The following ADSS2 variants were observed in gnomAD, a reference collection of about 807,000 sequenced individuals.
The protein encoded by ADSS2 is adenylosuccinate synthetase isozyme 2.
Under a neutral mutation model 60.0 loss-of-function variants are expected in ADSS2, and 30 were observed. The ratio of observed to expected loss-of-function variants is 0.50; its 90% CI spans 0.37 to 0.68. ADSS2 has a LOEUF of 0.68. Among genes scored for constraint, ADSS2 ranks in the 30% least tolerant of loss-of-function variants. ADSS2 has a pLI of 0.00. For synonymous variants in ADSS2, 187 were observed against 193.1 expected, an observed-to-expected ratio of 0.97 and a Z score of 0.26; for missense variants, 373 against 554.8, an observed-to-expected ratio of 0.67 and a Z score of 3.29.
chr1:244,413,877 G>C (rs576997112), intron 11 of ADSS2, among the ~76,000 whole-genome samples: 99 of 152,256 alleles, frequency 6.5e-4, no homozygotes, highest in African/African-American at 2.3e-3. Context: ...ATCCAGCAGA[G>C]CCACCAGAAA....
At chr1:244,449,938 T>C (rs1267292326) in intron 1 of ADSS2, among the ~76,000 whole-genome samples, 1 of 152,228 alleles carries the variant, frequency 6.6e-6, no homozygotes, top group Non-Finnish European at 1.5e-5. Context: ...ACAAACTACT[T>C]CTAATATTTC....
chr1:244,419,053 C>A, intron 8 of ADSS2, 139 bp from the exon 9 acceptor site: 2 of 776,162 alleles, frequency 2.6e-6, no homozygotes, highest in Non-Finnish European at 3.9e-6. Flanking sequence ...CTCAAAGACT[C>A]AGTGTTTTAC....
At chr1:244,430,138 TA>T (rs750794312) in intron 4 of ADSS2, among the ~76,000 whole-genome samples, 5 of 152,094 alleles carry the variant, frequency 3.3e-5, no homozygotes, top group Non-Finnish European at 7.4e-5. Context: ...TAACTATAAA[TA>T]AAATAATAAT....
chr1:244,435,177 A>AAT (rs1665058364), intron 3 of ADSS2, among the ~76,000 whole-genome samples: 1 of 108,446 alleles, frequency 9.2e-6, no homozygotes, highest in Admixed American at 8.6e-5. Flanking sequence ...CCAAAAAAAA[A>AAT]AAAAAAAAAA....
At chr1:244,443,870 C>T (rs1383606357) in intron 1 of ADSS2, among the ~76,000 whole-genome samples, 2 of 152,118 alleles carry the variant, frequency 1.3e-5, no homozygotes, top group Admixed American at 6.5e-5. Context: ...GTGCTGACAC[C>T]GCCTTCTCAT....
At chr1:244,423,833 C>A in intron 6 of ADSS2, 120 bp downstream of exon 6, 1 of 664,730 alleles carries the variant, frequency 1.5e-6, no homozygotes, top group Non-Finnish European at 2.5e-6. Context: ...TATTTCAAAC[C>A]TAAAAAAGCC....
intron 10 of ADSS2, among the ~76,000 whole-genome samples, chr1:244,417,028 T>C (rs879643424): frequency 2.6e-5 from 4 of 152,228 alleles, no homozygotes; most frequent in Non-Finnish European, 5.9e-5. Context: ...AATACATTTA[T>C]TTACCTATTC....
chr1:244,432,974 C>A (rs112968874), intron 3 of ADSS2, among the ~76,000 whole-genome samples: 4,662 of 152,158 alleles, frequency 0.031, 103 homozygotes, highest in Non-Finnish European at 0.044. Context: ...TGGTGGCTAA[C>A]ACCTGTAATC....
At chr1:244,441,121 C>T (rs961170833) in intron 1 of ADSS2, among the ~76,000 whole-genome samples, 5 of 150,624 alleles carry the variant, frequency 3.3e-5, no homozygotes, top group African/African-American at 7.3e-5. Flanking sequence ...TGCAATGGCG[C>T]GATCTCGGCC....
At chr1:244,430,583 G>A (rs928135221) in intron 4 of ADSS2, among the ~76,000 whole-genome samples, 6 of 152,168 alleles carry the variant, frequency 3.9e-5, no homozygotes, top group African/African-American at 1.2e-4. Flanking sequence ...AAAGCCATTG[G>A]AAAGTTCTGA....
chr1:244,413,610 C>T (rs1002394753), intron 11 of ADSS2, among the ~76,000 whole-genome samples: 1 of 152,142 alleles, frequency 6.6e-6, no homozygotes, highest in East Asian at 1.9e-4. Context: ...GAATCAGCAG[C>T]GCCAGGCATC....
chr1:244,424,279 A>G (rs1308606703), intron 5 of ADSS2, 42 bp downstream of exon 5: 2 of 1,567,570 alleles, frequency 1.3e-6, no homozygotes, highest in African/African-American at 1.4e-5. Context: ...AAAGGTCTGC[A>G]TATGCTTAAA....
rs531741214 is a variant in ADSS2, at chr1:244,426,205, A to T, written c.407-1818T>A. ...AGTCATGACAAGACTGAGATCTTAG[A>T]GTACGCCATTCTCATTTCTTTTGAA... is the stretch of plus-strand genomic sequence containing the variant. On this transcript the variant is annotated intron_variant, in intron 4 of 12. Transcript: ENST00000366535. 2.6e-5 allele frequency among the ~76,000 whole-genome samples: 4 copies of T among 152,310 alleles called. No individual in the cohort carries two copies. The South Asian group carries it at 8.3e-4, about 32-fold the overall frequency.
At position 244,418,795 on chromosome 1, in the gene ADSS2, C is replaced by T. The variant is rs201194182; in HGVS notation, c.910G>A (p.Val304Ile). 474 of 1,613,836 alleles carry T rather than the reference C, an allele frequency of 2.9e-4. No homozygotes were observed. Among genetic ancestry groups the T allele is most frequent in the Non-Finnish European group, 3.8e-4 (448 of 1,179,888 alleles). ...TCTGTAGGAAAGGCACCAATACCAACTCTAGTTGTATAAGCTTTCACAACT... is the reference window on the plus strand; with the variant it reads ...TCTGTAGGAAAGGCACCAATACCAATTCTAGTTGTATAAGCTTTCACAACT... ...YGVVKAYTTR[V>I]GIGAFPTEQD... is the part of the protein sequence containing the mutation. Residue 304 changes from valine (V) to isoleucine (I), a missense_variant, in exon 9 of 13, where the codon GTT becomes ATT. Coordinates refer to ENST00000366535, the MANE Select transcript of ADSS2 (RefSeq NM_001126.5).
At chr1:244,432,617 AT>A in intron 3 of ADSS2, 22 bp from the exon 4 acceptor site, 1 of 1,336,824 alleles carries the variant, frequency 7.5e-7, no homozygotes, top group Admixed American at 2.2e-5. Flanking sequence ...AAAAAGATAT[AT>A]TTAATTGAAT....
chr1:244,442,360 G>A (rs1056327753), intron 1 of ADSS2, among the ~76,000 whole-genome samples: 13 of 152,116 alleles, frequency 8.5e-5, no homozygotes, highest in African/African-American at 3.1e-4. Context: ...GGCAGCTCAG[G>A]CTGGAAAGTT....
At chr1:244,436,522 T>C (rs1665105070) in intron 3 of ADSS2, among the ~76,000 whole-genome samples, 1 of 152,338 alleles carries the variant, frequency 6.6e-6, no homozygotes, top group African/African-American at 2.4e-5. Flanking sequence ...AGACTGACAG[T>C]GTGCAAACTC....
intron 10 of ADSS2, 69 bp from the exon 11 acceptor site, chr1:244,416,147 A>G: frequency 9.7e-7 from 1 of 1,035,122 alleles, no homozygotes; most frequent in East Asian, 2.4e-5. Flanking sequence ...AATTTGATTA[A>G]TGCAGGAGTA....
chr1:244,422,794 C>T (rs746655176), intron 7 of ADSS2, 41 bp downstream of exon 7: 2 of 1,465,464 alleles, frequency 1.4e-6, no homozygotes, highest in African/African-American at 1.4e-5. Context: ...ATTTGGCAAA[C>T]AAGTATTAAA....
Sources: allele counts gnomAD v4.1 joint callset (sites outside exome capture counted in the v4.1 genomes callset), GRCh38; gene constraint gnomAD v4.1.1; transcripts MANE v1.5; gene names NCBI Gene and HGNC (gene_info 2026-07-23, HGNC 2026-07-21).